The following RGS6 variants were observed in gnomAD, a reference collection of about 807,000 sequenced individuals.
The protein encoded by RGS6 is regulator of G protein signaling 6, also known as regulator of G-protein signaling 6.
RGS6 carries 30 observed loss-of-function variants against 78.5 expected under a neutral mutation model. The ratio of observed to expected loss-of-function variants is 0.38; its 90% CI spans 0.29 to 0.52. RGS6 has a LOEUF of 0.52. RGS6 is among the 20% of genes least tolerant of loss of function. RGS6 has a pLI of 0.85. For synonymous variants in RGS6, 206 were observed against 206.0 expected, an observed-to-expected ratio of 1.00 and a Z score of 0.00; for missense variants, 495 against 609.7, an observed-to-expected ratio of 0.81 and a Z score of 1.98.
At position 72,011,592 on chromosome 14, in the gene RGS6, A is replaced by AAACC. The variant is rs1555431143; in HGVS notation, c.84+46719_84+46720insCCAA. On this transcript the variant is annotated intron_variant, in intron 2 of 17. Coordinates refer to ENST00000553525, the MANE Select transcript of RGS6 (RefSeq NM_001204424.2). ...TGTAGCTCAAAAATATAAAAAAAAA[A>AAACC]AATAATGCAAATAAAACCCAATAGA... Among the ~76,000 whole-genome samples, 368 of 152,042 alleles carry AAACC rather than the reference A, an allele frequency of 2.4e-3. 3 individuals carry two copies. The highest frequency in any genetic ancestry group is 8.4e-3 in the African/African-American group (349 of 41,514).
intron 15 of RGS6, among the ~76,000 whole-genome samples, chr14:72,534,214 A>G (rs1019547324): frequency 1.4e-4 from 21 of 152,226 alleles, no homozygotes; most frequent in Non-Finnish European, 1.3e-4. Context: ...TGACTCACCA[A>G]AGGCTCAGAT....
chr14:72,254,172 T>A (rs1209276044), intron 2 of RGS6, among the ~76,000 whole-genome samples: 1 of 152,222 alleles, frequency 6.6e-6, no homozygotes, highest in Non-Finnish European at 1.5e-5. Flanking sequence ...CTGAAATAAT[T>A]TTTTAGTTCA....
Position 72,355,213 on chromosome 14 carries a change from G to A in RGS6, c.184+3019G>A, listed in dbSNP as rs1288160551. Among the ~76,000 whole-genome samples, 4 of 135,782 alleles carry A rather than the reference G, an allele frequency of 2.9e-5. No homozygotes were observed. The East Asian group carries it at 6.4e-4, about 22-fold the overall frequency. 89.1% of individuals were successfully genotyped at this position (135,782 alleles called of 152,430 possible). A position where few individuals can be genotyped will look rare whatever the true frequency, so the allele number is the denominator to read the frequency against. On this transcript the variant is annotated intron_variant, in intron 3 of 17. Coordinates refer to ENST00000553525, the MANE Select transcript of RGS6 (RefSeq NM_001204424.2). Reference sequence around the variant, plus strand: ...TCCTCTGGTTCTTTTTTTTTTTTTAGACAGAGTCTTGCTCTTGTCACCCAG... The same window carrying A: ...TCCTCTGGTTCTTTTTTTTTTTTTAAACAGAGTCTTGCTCTTGTCACCCAG...
chr14:72,037,108 C>G (rs533438992), intron 2 of RGS6, among the ~76,000 whole-genome samples: 1 of 152,204 alleles, frequency 6.6e-6, no homozygotes, highest in African/African-American at 2.4e-5. Context: ...CTAATCAGCA[C>G]TCTGTAAAAA....
At chr14:72,516,569 G>A (rs920908947) in intron 14 of RGS6, among the ~76,000 whole-genome samples, 24 of 152,198 alleles carry the variant, frequency 1.6e-4, no homozygotes, top group African/African-American at 4.1e-4. Context: ...AGAGCTGGGC[G>A]GCAGCATCTG....
chr14:72,200,488 T>C (rs1182795807), intron 2 of RGS6, among the ~76,000 whole-genome samples: 5 of 152,214 alleles, frequency 3.3e-5, no homozygotes, highest in Non-Finnish European at 7.3e-5. Context: ...CACTTGAAGC[T>C]TTTTGTCCCC....
intron 2 of RGS6, among the ~76,000 whole-genome samples, chr14:72,097,984 G>T (rs1304839532): frequency 6.6e-6 from 1 of 152,176 alleles, no homozygotes; most frequent in African/African-American, 2.4e-5. Context: ...ATGTCTGGTA[G>T]CAATTGTGTT....
chr14:72,466,783 T>C (rs2153276125), intron 7 of RGS6, among the ~76,000 whole-genome samples: 1 of 152,354 alleles, frequency 6.6e-6, no homozygotes, highest in Non-Finnish European at 1.5e-5. Flanking sequence ...GTGGTGGTTG[T>C]ATGAATCTAT....
intron 2 of RGS6, among the ~76,000 whole-genome samples, chr14:72,190,047 C>T (rs2097302779): frequency 6.6e-6 from 1 of 152,202 alleles, no homozygotes; most frequent in Non-Finnish European, 1.5e-5. Flanking sequence ...AACCTATCCC[C>T]AAGGACTTTC....
intron 2 of RGS6, among the ~76,000 whole-genome samples, chr14:72,319,634 C>T (rs1484448238): frequency 6.6e-6 from 1 of 151,650 alleles, no homozygotes; most frequent in East Asian, 1.9e-4. Flanking sequence ...AGCCACCGCA[C>T]CCGGCCTGAA....
chr14:72,510,050 C>A, intron 13 of RGS6, 104 bp from the exon 14 acceptor site: 1 of 1,328,238 alleles, frequency 7.5e-7, no homozygotes, highest in Non-Finnish European at 1.0e-6. Flanking sequence ...AGATGTTTCC[C>A]TTTGGTGAGT....
At chr14:72,433,036 T>C (rs1243527159) in intron 3 of RGS6, among the ~76,000 whole-genome samples, 1 of 152,192 alleles carries the variant, frequency 6.6e-6, no homozygotes, top group Non-Finnish European at 1.5e-5. Flanking sequence ...TTATTTCCTA[T>C]TCATTTCCTT....
the RGS6 span, among the ~76,000 whole-genome samples, chr14:71,872,086 A>T: frequency 6.6e-6 from 1 of 152,192 alleles, no homozygotes; most frequent in Non-Finnish European, 1.5e-5. Context: ...GCAGCCACCC[A>T]GCAGGACTCT....
intron 13 of RGS6, among the ~76,000 whole-genome samples, chr14:72,497,791 T>C (rs762505465): frequency 2.0e-5 from 3 of 152,132 alleles, no homozygotes; most frequent in Non-Finnish European, 4.4e-5. Flanking sequence ...TAGTTCCTTC[T>C]AAGTCAAGAA....
chr14:72,003,360 A>G (rs2332706), intron 2 of RGS6, among the ~76,000 whole-genome samples: 121,354 of 152,164 alleles, frequency 0.8, 49,099 homozygotes, highest in South Asian at 0.9. Context: ...ACAACTTGCC[A>G]CTTTAATCAT....
At chr14:72,255,610 G>T (rs4903003) in intron 2 of RGS6, among the ~76,000 whole-genome samples, 62,531 of 151,960 alleles carry the variant, frequency 0.41, 13,784 homozygotes, top group Non-Finnish European at 0.5. Context: ...GATACCTCAG[G>T]CAGGCTTAAA....
At chr14:72,284,451 G>T (rs2062138602) in intron 2 of RGS6, among the ~76,000 whole-genome samples, 1 of 152,230 alleles carries the variant, frequency 6.6e-6, no homozygotes, top group African/African-American at 2.4e-5. Flanking sequence ...TATAGCTGGG[G>T]CCATGGCTTC....
intron 2 of RGS6, among the ~76,000 whole-genome samples, chr14:72,229,564 G>C (rs1276276521): frequency 4.6e-5 from 7 of 151,986 alleles, no homozygotes; most frequent in African/African-American, 1.7e-4. Flanking sequence ...TCTGGCCACA[G>C]CTCTCCCCAG....
chr14:72,353,205 G>A (rs539748066), intron 3 of RGS6, among the ~76,000 whole-genome samples: 17 of 152,296 alleles, frequency 1.1e-4, no homozygotes, highest in Admixed American at 7.8e-4. Context: ...ATTCACCCAA[G>A]AGCAATGAAA....
Sources: gnomAD v4.1 joint callset for allele counts (sites outside exome capture counted in the v4.1 genomes callset) on GRCh38, gnomAD v4.1.1 for gene constraint, MANE v1.5 for transcripts, NCBI Gene and HGNC (gene_info 2026-07-23, HGNC 2026-07-21) for gene names.